Variants in TTC27 observed in about 807,000 individuals in gnomAD.
TTC27 encodes tetratricopeptide repeat domain 27, also known as tetratricopeptide repeat protein 27.
In TTC27, 79 loss-of-function variants were observed where a neutral mutation model predicts 115.9. The observed-to-expected ratio is 0.68, with a 90% CI of 0.57 to 0.82. The LOEUF (loss-of-function observed/expected upper bound fraction) is 0.82. Among genes scored for constraint, TTC27 ranks in the 40% least tolerant of loss-of-function variants. The probability of loss-of-function intolerance (pLI) is 0.00; values close to 1 mark genes in which losing one functional copy is unlikely to be tolerated. For missense variants in TTC27, 1,054 were observed against 993.1 expected, an observed-to-expected ratio of 1.06 and a Z score of -0.82; for synonymous variants, 401 against 356.0, an observed-to-expected ratio of 1.13 and a Z score of -1.42.
chr2:32,691,451 A>G (rs1264690372), intron 9 of TTC27, among the ~76,000 whole-genome samples: 1 of 151,918 alleles, frequency 6.6e-6, no homozygotes, highest in Non-Finnish European at 1.5e-5. Context: ...GGCACACGCC[A>G]CTGCACCCAG....
intron 6 of TTC27, among the ~76,000 whole-genome samples, chr2:32,666,070 C>T (rs940273636): frequency 6.6e-6 from 1 of 152,042 alleles, no homozygotes; most frequent in Non-Finnish European, 1.5e-5. Context: ...CTGACCTTGT[C>T]CAGAGAGTGG....
At position 32,712,504 on chromosome 2, in the gene TTC27, C is replaced by G. The variant is rs181293284; in HGVS notation, c.1233+9584C>G. On this transcript the variant is annotated intron_variant, in intron 10 of 19. Coordinates refer to ENST00000317907, the MANE Select transcript of TTC27 (RefSeq NM_017735.5). ...TACCAGTGGAGTATAAAATAGTGTT[C>G]TCTATCGTCATTCTGCCTTTCCTTC... 3.0e-4 allele frequency among the ~76,000 whole-genome samples: 45 copies of G among 152,216 alleles called. 1 individual carries two copies. Among genetic ancestry groups the G allele is most frequent in the Admixed American group, 2.8e-3 (43 of 15,288 alleles).
intron 12 of TTC27, among the ~76,000 whole-genome samples, chr2:32,744,084 T>C (rs1168236711): frequency 3.3e-5 from 5 of 152,244 alleles, no homozygotes; most frequent in African/African-American, 1.2e-4. Context: ...TATAGTCCGA[T>C]ATGATAGATA....
intron 14 of TTC27, 128 bp from the exon 15 acceptor site, chr2:32,782,498 C>T (rs1024996428): frequency 5.0e-6 from 3 of 600,776 alleles, no homozygotes; most frequent in East Asian, 2.8e-5. Flanking sequence ...CCTTTAAACA[C>T]ACTCTTATTG....
intron 4 of TTC27, among the ~76,000 whole-genome samples, chr2:32,644,180 CAAAAAA>C (rs70938356): frequency 3.4e-4 from 26 of 75,408 alleles, no homozygotes; most frequent in African/African-American, 4.3e-4. Context: ...GACTCTGTTT[CAAAAAA>C]AAAAAAAAAA....
chr2:32,805,661 C>G (rs1317261335), intron 16 of TTC27, among the ~76,000 whole-genome samples: 1 of 152,196 alleles, frequency 6.6e-6, no homozygotes, highest in African/African-American at 2.4e-5. Context: ...TGGAAGTAAG[C>G]TAACAGGCAG....
chr2:32,754,791 C>G (rs1669148749), intron 12 of TTC27, among the ~76,000 whole-genome samples: 1 of 148,474 alleles, frequency 6.7e-6, no homozygotes, highest in South Asian at 2.2e-4. Context: ...CCCCACCTCC[C>G]TCCCGGACGG....
intron 10 of TTC27, among the ~76,000 whole-genome samples, chr2:32,704,167 G>C (rs967690430): frequency 1.3e-5 from 2 of 152,024 alleles, no homozygotes; most frequent in Admixed American, 1.3e-4. Context: ...TCGGACTATA[G>C]TAATTAATGA....
chr2:32,708,790 G>C (rs542740931), intron 10 of TTC27, among the ~76,000 whole-genome samples: 2 of 151,840 alleles, frequency 1.3e-5, no homozygotes, highest in African/African-American at 2.4e-5. Flanking sequence ...ATGAGGAAGG[G>C]GCTTTCTCCT....
intron 6 of TTC27, among the ~76,000 whole-genome samples, chr2:32,666,359 CT>C (rs35023187): frequency 0.015 from 2,053 of 136,410 alleles, 14 homozygotes; most frequent in Middle Eastern, 0.031. Context: ...CAATGTGTTA[CT>C]TTTTTTTTTT....
intron 7 of TTC27, among the ~76,000 whole-genome samples, chr2:32,670,307 G>T (rs886566771): frequency 6.6e-6 from 1 of 152,118 alleles, no homozygotes; most frequent in Non-Finnish European, 1.5e-5. Context: ...ACTTTGTTGA[G>T]ATTTAACAAT....
At chr2:32,699,353 A>C (rs1667105542) in intron 9 of TTC27, among the ~76,000 whole-genome samples, 1 of 152,138 alleles carries the variant, frequency 6.6e-6, no homozygotes, top group East Asian at 1.9e-4. Flanking sequence ...TTCTAAATGG[A>C]ATGGAATTAA....
chr2:32,718,844 G>A (rs1667833207), intron 10 of TTC27, among the ~76,000 whole-genome samples: 1 of 152,150 alleles, frequency 6.6e-6, no homozygotes, highest in Non-Finnish European at 1.5e-5. Flanking sequence ...TGAGGCAACT[G>A]GGCACTCTTG....
intron 4 of TTC27, among the ~76,000 whole-genome samples, chr2:32,644,943 A>G (rs953611402): frequency 2.1e-5 from 3 of 145,838 alleles, no homozygotes; most frequent in Admixed American, 7.0e-5. Context: ...TGTGGGCTCA[A>G]GTGATCCTCC....
At chr2:32,690,895 T>G (rs922318033) in intron 9 of TTC27, among the ~76,000 whole-genome samples, 12 of 152,234 alleles carry the variant, frequency 7.9e-5, no homozygotes, top group African/African-American at 2.9e-4. Context: ...TCTTTGTTCC[T>G]TGCTTTGGAA....
chr2:32,713,690 A>G (rs963974670), intron 10 of TTC27, among the ~76,000 whole-genome samples: 80 of 152,348 alleles, frequency 5.3e-4, no homozygotes, highest in African/African-American at 1.8e-3. Flanking sequence ...TTATACTGCA[A>G]TTTGACTTTC....
intron 10 of TTC27, among the ~76,000 whole-genome samples, chr2:32,711,893 T>G (rs1471396457): frequency 2.0e-5 from 3 of 152,074 alleles, no homozygotes; most frequent in African/African-American, 7.2e-5. Flanking sequence ...TGAGCCGAGA[T>G]TGTGCCACTG....
At chr2:32,687,180 C>G (rs1354282156) in intron 9 of TTC27, among the ~76,000 whole-genome samples, 1 of 152,158 alleles carries the variant, frequency 6.6e-6, no homozygotes, top group Non-Finnish European at 1.5e-5. Context: ...AGAAGGCATT[C>G]AAGGGTGAAC....
At chr2:32,635,590 A>G (rs1040155229) in intron 3 of TTC27, among the ~76,000 whole-genome samples, 1 of 152,178 alleles carries the variant, frequency 6.6e-6, no homozygotes, top group Non-Finnish European at 1.5e-5. Context: ...AGGCTGAGGC[A>G]GGACAATTGC....
Sources: allele counts gnomAD v4.1 joint callset (sites outside exome capture counted in the v4.1 genomes callset), GRCh38; gene constraint gnomAD v4.1.1; transcripts MANE v1.5; gene names NCBI Gene and HGNC (gene_info 2026-07-23, HGNC 2026-07-21).